IQGAP1: variants seen among roughly 807,000 people sequenced by gnomAD.
The protein encoded by IQGAP1 is ras GTPase-activating-like protein IQGAP1.
In IQGAP1, 66 loss-of-function variants were observed where a neutral mutation model predicts 215.6. The observed-to-expected ratio is 0.31, with a 90% confidence interval of 0.25 to 0.38. The LOEUF (loss-of-function observed/expected upper bound fraction) is 0.38, where lower values mean the gene tolerates loss of function less well. IQGAP1 is among the 10% of genes least tolerant of loss of function. The pLI is 1.00. For synonymous variants in IQGAP1, 772 were observed against 728.7 expected, an observed-to-expected ratio of 1.06 and a Z score of -0.96; for missense variants, 1,712 against 1,997.1, an observed-to-expected ratio of 0.86 and a Z score of 2.72.
intron 31 of IQGAP1, 32 bp from the exon 32 acceptor site, chr15:90,486,922 C>A (rs769907798): frequency 1.2e-6 from 2 of 1,606,856 alleles, no homozygotes; most frequent in Non-Finnish European, 1.7e-6. Context: ...CTCTTTATTA[C>A]GCTGACTCTT....
At chr15:90,457,054 AAGG>A (rs1965695058) in intron 15 of IQGAP1, among the ~76,000 whole-genome samples, 1 of 151,714 alleles carries the variant, frequency 6.6e-6, no homozygotes, top group Non-Finnish European at 1.5e-5. Flanking sequence ...AAATTTTCAA[AAGG>A]AGGCACACCT....
intron 35 of IQGAP1, chr15:90,493,889 G>A (rs190777966): frequency 6.6e-6 from 1 of 152,228 alleles, no homozygotes; most frequent in Non-Finnish European, 1.5e-5. Flanking sequence ...AGAATGAACT[G>A]TTTCTCCAAG....
chr15:90,432,557 T>A (rs2151016226), intron 4 of IQGAP1, among the ~76,000 whole-genome samples: 1 of 152,322 alleles, frequency 6.6e-6, no homozygotes, highest in African/African-American at 2.4e-5. Flanking sequence ...GATTTTATCC[T>A]ACCTATCCAA....
Position 90,501,548 on chromosome 15 carries a change from ATAAC to A in IQGAP1, c.*1441_*1444del, listed in dbSNP as rs1469749474. ...TTAAGCCAATAAACTGCTTTAATGA[ATAAC>A]AAACTATGTAGTGTGTCCCTATTAT... On this transcript the variant is annotated 3_prime_UTR_variant, in exon 38 of 38. Coordinates refer to ENST00000268182, the MANE Select transcript of IQGAP1 (RefSeq NM_003870.4). 1 of 152,242 alleles carries A rather than the reference ATAAC, an allele frequency of 6.6e-6. No individual in the cohort carries two copies. Among genetic ancestry groups the A allele is most frequent in the East Asian group, 1.9e-4 (1 of 5,202 alleles). 9.4% of individuals were successfully genotyped at this position (152,242 alleles called of 1,614,324 possible).
At chr15:90,484,446 C>G in intron 30 of IQGAP1, 94 bp downstream of exon 30, 3 of 925,558 alleles carry the variant, frequency 3.2e-6, no homozygotes, top group South Asian at 1.6e-5. Context: ...GTCTAACCTT[C>G]CTGTAATCTA....
At chr15:90,444,148 T>TA (rs374797790) in intron 9 of IQGAP1, among the ~76,000 whole-genome samples, 183 of 151,660 alleles carry the variant, frequency 1.2e-3, no homozygotes, top group African/African-American at 4.3e-3. Flanking sequence ...TGTCTAGAAA[T>TA]AAAAAATAAA....
intron 11 of IQGAP1, among the ~76,000 whole-genome samples, chr15:90,449,870 AACCAACCAAGAAGCACTGAC>A (rs1157619959): frequency 3.3e-5 from 5 of 152,116 alleles, no homozygotes; most frequent in Admixed American, 6.6e-5. Flanking sequence ...TTGTTTTTTA[AACCAACCAAGAAGCACTGAC>A]ACCAACCAAG....
rs1049457650 is a variant in IQGAP1, at chr15:90,418,807, G to C, written c.156-7303G>C. Among the ~76,000 whole-genome samples, 5 of 152,102 alleles carry C rather than the reference G, an allele frequency of 3.3e-5. No homozygotes were observed. The South Asian group carries it at 8.3e-4, about 25-fold the overall frequency. On this transcript the variant is annotated intron_variant, in intron 2 of 37. Coordinates refer to ENST00000268182, the MANE Select transcript of IQGAP1 (RefSeq NM_003870.4). ...TTTGTAAGGGAATGTTCAGTAGGTC[G>C]TAACTGTTGTTATTGTTGAAGGAGG...
At chr15:90,467,301 A>C (rs1965845357) in intron 17 of IQGAP1, 149 bp from the exon 18 acceptor site, 1 of 633,930 alleles carries the variant, frequency 1.6e-6, no homozygotes, top group Non-Finnish European at 2.5e-6. Context: ...GGAGCTTAGC[A>C]TGCCCCTTTA....
chr15:90,417,388 C>G (rs10459703), intron 2 of IQGAP1, among the ~76,000 whole-genome samples: 63,216 of 151,810 alleles, frequency 0.42, 14,914 homozygotes, highest in African/African-American at 0.66. Context: ...TTTTGTATAA[C>G]GTGTAAGGAA....
intron 11 of IQGAP1, among the ~76,000 whole-genome samples, chr15:90,449,932 A>G (rs1257041168): frequency 6.6e-6 from 1 of 152,268 alleles, no homozygotes; most frequent in East Asian, 1.9e-4. Flanking sequence ...TGATACATGC[A>G]TACAATGTAT....
chr15:90,466,345 C>A lies in IQGAP1; in HGVS notation c.1944C>A (p.Ser648=), dbSNP rs770327761. Residue 648 remains serine (S), a synonymous_variant, in exon 17 of 38, where the codon TCC becomes TCA. Transcript: ENST00000268182. ...DVGKTLSALR[S]PDVGLYGVIP... Reference sequence around the variant, plus strand: ...GCAAAACACTGAGTGCCCTTCGCTCCCCTGATGTTGGCTTGTATGGAGTCA... The same window carrying A: ...GCAAAACACTGAGTGCCCTTCGCTCACCTGATGTTGGCTTGTATGGAGTCA... 79 of 1,613,978 alleles carry A rather than the reference C, an allele frequency of 4.9e-5. No individual in the cohort carries two copies. Among genetic ancestry groups the A allele is most frequent in the Non-Finnish European group, 6.2e-5 (73 of 1,180,004 alleles).
Position 90,494,775 on chromosome 15 carries a change from C to G in IQGAP1, c.4691C>G (p.Thr1564Arg). 1 of 1,606,776 alleles carries G rather than the reference C, an allele frequency of 6.2e-7. No individual in the cohort carries two copies. Among genetic ancestry groups the G allele is most frequent in the Non-Finnish European group, 8.5e-7 (1 of 1,174,324 alleles). ...KKSKKISLKY[T>R]AARLHEKGVL... is the part of the protein sequence containing the mutation. ...AGCAAAAAGATTTCTCTGAAATATA[C>G]AGCAGCAAGACTACATGAAAAAGGA... Residue 1564 changes from threonine (T) to arginine (R), a missense_variant, in exon 36 of 38, where the codon ACA (threonine) becomes AGA (arginine). Physicochemically the swap from Thr to Arg is moderately conservative, Grantham distance 71. Transcript: ENST00000268182.
At chr15:90,433,110 A>C (rs1436919494) in intron 4 of IQGAP1, among the ~76,000 whole-genome samples, 1 of 152,234 alleles carries the variant, frequency 6.6e-6, no homozygotes, top group Non-Finnish European at 1.5e-5. Flanking sequence ...CGATTTTGGT[A>C]AGTGCTACCG....
intron 34 of IQGAP1, 147 bp downstream of exon 34, chr15:90,491,692 A>G (rs1966207405): frequency 1.5e-6 from 1 of 666,920 alleles, no homozygotes; most frequent in Non-Finnish European, 2.5e-6. Flanking sequence ...ACTCTCCAGC[A>G]TGAGGGCCTT....
intron 6 of IQGAP1, 134 bp from the exon 7 acceptor site, chr15:90,440,368 A>G (rs1965431285): frequency 3.2e-6 from 2 of 619,586 alleles, no homozygotes; most frequent in Non-Finnish European, 5.8e-6. Flanking sequence ...CATACATTGT[A>G]TCTTTATATC....
At chr15:90,451,744 G>C (rs929455637) in intron 11 of IQGAP1, among the ~76,000 whole-genome samples, 1 of 151,418 alleles carries the variant, frequency 6.6e-6, no homozygotes, top group Non-Finnish European at 1.5e-5. Context: ...TGTGTTCTTG[G>C]TGTCTTTGTC....
rs1655327962 is a variant in IQGAP1, at chr15:90,476,758, T to G, written c.2880T>G (p.Ala960=). ...MINKQKGGLK[A]LSKEKREKLE... ...ATAAACAGAAGGGAGGTCTCAAGGC[T>G]TTGAGCAAGGAGAAGAGAGAGAAGT... Residue 960 remains alanine (A), a synonymous_variant, in exon 24 of 38, where the codon GCT becomes GCG. Coordinates refer to ENST00000268182, the MANE Select transcript of IQGAP1 (RefSeq NM_003870.4). 27 of 1,607,874 alleles carry G rather than the reference T, an allele frequency of 1.7e-5. No individual in the cohort carries two copies. Among genetic ancestry groups the G allele is most frequent in the Non-Finnish European group, 2.3e-5 (27 of 1,178,762 alleles).
At chr15:90,495,725 C>A (rs984749759) in intron 36 of IQGAP1, among the ~76,000 whole-genome samples, 1 of 148,922 alleles carries the variant, frequency 6.7e-6, no homozygotes, top group Admixed American at 6.7e-5. Context: ...GCAGCCTTGG[C>A]CTCCCAGGTT....
Sources: allele counts gnomAD v4.1 joint callset (sites outside exome capture counted in the v4.1 genomes callset), GRCh38; gene constraint gnomAD v4.1.1; transcripts MANE v1.5; gene names NCBI Gene and HGNC (gene_info 2026-07-23, HGNC 2026-07-21).